Variants in FER observed in about 807,000 individuals in gnomAD.
The protein encoded by FER is FER tyrosine kinase, also known as tyrosine-protein kinase Fer.
Under a neutral mutation model 111.0 loss-of-function variants are expected in FER, and 63 were observed. That is an observed-to-expected ratio of 0.57 (90% CI 0.46 to 0.70). The LOEUF is 0.70. Among genes scored for constraint, FER ranks in the 30% least tolerant of loss-of-function variants. The pLI is 0.00. For missense variants in FER, 914 were observed against 954.0 expected, an observed-to-expected ratio of 0.96 and a Z score of 0.55; for synonymous variants, 327 against 313.9, an observed-to-expected ratio of 1.04 and a Z score of -0.44.
chr5:109,142,833 G>T (rs1449834545), intron 17 of FER, among the ~76,000 whole-genome samples: 1 of 152,144 alleles, frequency 6.6e-6, no homozygotes, highest in Non-Finnish European at 1.5e-5. Context: ...GTGGAAGGTT[G>T]TGTTTTATAT....
At chr5:109,057,168 G>A (rs567856305) in intron 16 of FER, among the ~76,000 whole-genome samples, 1 of 152,220 alleles carries the variant, frequency 6.6e-6, no homozygotes, top group Non-Finnish European at 1.5e-5. Flanking sequence ...TATCACTGAT[G>A]TACCACTAAA....
chr5:108,997,366 G>T (rs532799464), intron 13 of FER, among the ~76,000 whole-genome samples: 1 of 149,028 alleles, frequency 6.7e-6, no homozygotes, highest in South Asian at 2.1e-4. Context: ...TGCAGTGAGC[G>T]AGAGCATGCC....
chr5:108,963,241 C>G (rs1242365797), intron 13 of FER, among the ~76,000 whole-genome samples: 2 of 151,970 alleles, frequency 1.3e-5, no homozygotes, highest in African/African-American at 4.8e-5. Flanking sequence ...CTTTCTGAAT[C>G]GAAGGTAAAG....
intron 16 of FER, among the ~76,000 whole-genome samples, chr5:109,063,492 A>G (rs1222323968): frequency 1.3e-5 from 2 of 152,214 alleles, no homozygotes; most frequent in East Asian, 3.9e-4. Flanking sequence ...GGATTAAGGA[A>G]TGTGACTCCT....
chr5:109,186,130 A>G (rs931857408), intron 18 of FER, 70 bp from the exon 19 acceptor site: 2 of 1,600,540 alleles, frequency 1.2e-6, no homozygotes, highest in African/African-American at 2.7e-5. Flanking sequence ...ACACAGACAT[A>G]CATAACCAGG....
intron 13 of FER, among the ~76,000 whole-genome samples, chr5:108,969,363 T>A (rs540490915): frequency 2.6e-5 from 4 of 152,144 alleles, no homozygotes; most frequent in Non-Finnish European, 5.9e-5. Context: ...CTATATGTAC[T>A]GACTGGGGAG....
intron 17 of FER, among the ~76,000 whole-genome samples, chr5:109,139,601 T>G (rs1753306279): frequency 6.6e-6 from 1 of 152,152 alleles, no homozygotes; most frequent in Admixed American, 6.5e-5. Flanking sequence ...GGTTTTTGTT[T>G]CACTTTTTTG....
chr5:109,108,408 C>G (rs182591128), intron 17 of FER, among the ~76,000 whole-genome samples: 8 of 152,130 alleles, frequency 5.3e-5, no homozygotes, highest in Admixed American at 2.0e-4. Flanking sequence ...TCTTATGAAG[C>G]AAACTTAAAA....
At position 109,068,381 on chromosome 5, in the gene FER, AC is replaced by A. The variant is rs1775377950; in HGVS notation, c.1924+21185del. On this transcript the variant is annotated intron_variant, in intron 16 of 19. Transcript: ENST00000281092. ...GTGTTTTTTGTAGAGATGGGGTTTC[AC>A]CATATTGGCCAGGCTGGTATCGAAC... Among the ~76,000 whole-genome samples the A allele has an allele frequency of 2.6e-5, 4 of 152,124 alleles. No individual in the cohort carries two copies. In the South Asian group the frequency reaches 8.3e-4, roughly 32 times the overall value.
chr5:108,932,856 C>CTT (rs202222050), intron 10 of FER, among the ~76,000 whole-genome samples: 5 of 138,226 alleles, frequency 3.6e-5, no homozygotes, highest in South Asian at 2.3e-4. Flanking sequence ...CCTTTGCCCA[C>CTT]TTTTTTTTTT....
At chr5:108,756,423 T>A (rs1052006190) in intron 1 of FER, among the ~76,000 whole-genome samples, 1 of 151,886 alleles carries the variant, frequency 6.6e-6, no homozygotes, top group Non-Finnish European at 1.5e-5. Context: ...CCAGTCACTA[T>A]CGCATTTCCT....
intron 5 of FER, among the ~76,000 whole-genome samples, chr5:108,845,002 A>C (rs1199347500): frequency 7.5e-5 from 1 of 13,356 alleles, no homozygotes; most frequent in Non-Finnish European, 1.4e-4. Flanking sequence ...GTGTGTATAT[A>C]TATATATATA....
At chr5:109,091,161 T>C (rs891798432) in intron 16 of FER, among the ~76,000 whole-genome samples, 3 of 152,202 alleles carry the variant, frequency 2.0e-5, no homozygotes, top group Non-Finnish European at 4.4e-5. Flanking sequence ...CAATGCATTT[T>C]GGAGATCTTA....
At chr5:108,750,321 T>C (rs1750331591) in intron 1 of FER, among the ~76,000 whole-genome samples, 1 of 151,942 alleles carries the variant, frequency 6.6e-6, no homozygotes. Flanking sequence ...AGTCCTGGTA[T>C]ATATACCTGT....
chr5:109,168,388 T>C (rs1180864370), intron 17 of FER, among the ~76,000 whole-genome samples: 1 of 151,966 alleles, frequency 6.6e-6, no homozygotes, highest in African/African-American at 2.4e-5. Flanking sequence ...GACTGGAGGG[T>C]TGGGACTTTT....
Position 109,196,788 on chromosome 5 carries a change from C to T in FER, c.*9213C>T, listed in dbSNP as rs760028596. 9.9e-5 allele frequency: 15 copies of T among 152,084 alleles called. No individual in the cohort carries two copies. The highest frequency in any genetic ancestry group is 2.1e-4 in the Non-Finnish European group (14 of 68,030). The allele number at this position is 152,084 out of a possible 1,614,324, so 9.4% of individuals were successfully genotyped here. ...AATAGACCAGTTACCACTCATGTGT[C>T]TGCAGAACCTCTTTATTGTATTCCT... On this transcript the variant is annotated 3_prime_UTR_variant, in exon 20 of 20. Coordinates refer to ENST00000281092, the MANE Select transcript of FER (RefSeq NM_005246.4).
At chr5:108,789,769 A>G (rs1356615336) in intron 2 of FER, among the ~76,000 whole-genome samples, 1 of 151,798 alleles carries the variant, frequency 6.6e-6, no homozygotes, top group Non-Finnish European at 1.5e-5. Context: ...TACCCAGCCA[A>G]TTTTTGTATT....
chr5:108,863,305 G>C (rs905827811), intron 5 of FER, among the ~76,000 whole-genome samples: 1 of 152,134 alleles, frequency 6.6e-6, no homozygotes, highest in African/African-American at 2.4e-5. Context: ...TATTTTAGTA[G>C]AGATGGGGTT....
chr5:109,176,451 C>T (rs899399320), intron 17 of FER, among the ~76,000 whole-genome samples: 1 of 151,824 alleles, frequency 6.6e-6, no homozygotes, highest in South Asian at 2.1e-4. Context: ...AGGAAGAGAG[C>T]AGAATTGAAA....
Sources: allele counts gnomAD v4.1 joint callset (sites outside exome capture counted in the v4.1 genomes callset), GRCh38; gene constraint gnomAD v4.1.1; transcripts MANE v1.5; gene names NCBI Gene and HGNC (gene_info 2026-07-23, HGNC 2026-07-21).